The following TMEM45A variants were observed in gnomAD, a reference collection of about 807,000 sequenced individuals.
TMEM45A encodes the protein DNA polymerase-transactivated protein 4.
TMEM45A carries 25 observed loss-of-function variants against 32.0 expected under a neutral mutation model. The ratio of observed to expected loss-of-function variants is 0.78; its 90% CI spans 0.57 to 1.09. The LOEUF (loss-of-function observed/expected upper bound fraction) is 1.09. Among genes scored for constraint, TMEM45A ranks in the 50% least tolerant of loss-of-function variants. The pLI is 0.00. For synonymous variants in TMEM45A, 122 were observed against 114.8 expected, an observed-to-expected ratio of 1.06 and a Z score of -0.40; for missense variants, 302 against 325.0, an observed-to-expected ratio of 0.93 and a Z score of 0.54.
intron 5 of TMEM45A, among the ~76,000 whole-genome samples, chr3:100,575,888 T>A (rs1297014255): frequency 6.6e-6 from 1 of 152,246 alleles, no homozygotes; most frequent in Non-Finnish European, 1.5e-5. Flanking sequence ...GCGGGCTTCA[T>A]GCACTTCCTT....
chr3:100,561,959 G>A (rs1706344863), intron 4 of TMEM45A, among the ~76,000 whole-genome samples: 1 of 152,198 alleles, frequency 6.6e-6, no homozygotes, highest in African/African-American at 2.4e-5. Flanking sequence ...CAACTAAGCA[G>A]TAATGGTTTG....
At chr3:100,531,778 T>C (rs1705653030) in intron 1 of TMEM45A, among the ~76,000 whole-genome samples, 1 of 152,248 alleles carries the variant, frequency 6.6e-6, no homozygotes, top group African/African-American at 2.4e-5. Context: ...ACCAAAAAGA[T>C]GATACTTTGT....
intron 1 of TMEM45A, among the ~76,000 whole-genome samples, chr3:100,504,796 A>C (rs1189352639): frequency 6.6e-6 from 1 of 152,254 alleles, no homozygotes; most frequent in East Asian, 1.9e-4. Flanking sequence ...TCTTTCCAGC[A>C]GCGAGAGCCA....
At chr3:100,556,275 C>G (rs1706220826) in intron 2 of TMEM45A, among the ~76,000 whole-genome samples, 1 of 152,214 alleles carries the variant, frequency 6.6e-6, no homozygotes, top group African/African-American at 2.4e-5. Context: ...GCCACTGTGC[C>G]CAGTCCTGTC....
At chr3:100,558,740 T>A (rs1706272751) in intron 4 of TMEM45A, 151 bp downstream of exon 4, 2 of 830,348 alleles carry the variant, frequency 2.4e-6, no homozygotes, top group Non-Finnish European at 3.8e-6. Flanking sequence ...TCTTTGAGTG[T>A]CCCAATAGCC....
chr3:100,529,989 C>T (rs1231429129), intron 1 of TMEM45A, among the ~76,000 whole-genome samples: 1 of 152,100 alleles, frequency 6.6e-6, no homozygotes, highest in African/African-American at 2.4e-5. Flanking sequence ...ACAGAAAGAC[C>T]GTGTCTCTGC....
rs116785540 is a variant in TMEM45A, at chr3:100,509,096, C to T, written c.-4+16168C>T. ...AGGGACTAATATCCAGAATATACAA[C>T]GAACTCCATCAACTTAACAGAAAAA... On this transcript the variant is annotated intron_variant, in intron 1 of 5. Coordinates refer to ENST00000323523, the MANE Select transcript of TMEM45A (RefSeq NM_018004.3). 9.2e-3 allele frequency among the ~76,000 whole-genome samples: 1,402 copies of T among 152,158 alleles called. 29 individuals are homozygous for T. The highest frequency in any genetic ancestry group is 0.032 in the African/African-American group (1,347 of 41,516).
intron 1 of TMEM45A, among the ~76,000 whole-genome samples, chr3:100,500,347 C>T (rs1707991959): frequency 6.6e-6 from 1 of 151,956 alleles, no homozygotes; most frequent in Non-Finnish European, 1.5e-5. Flanking sequence ...GGAGAACAGA[C>T]ACTAGCACTC....
chr3:100,559,387 G>C (rs1163481416), intron 4 of TMEM45A, among the ~76,000 whole-genome samples: 1 of 152,170 alleles, frequency 6.6e-6, no homozygotes, highest in Non-Finnish European at 1.5e-5. Context: ...CACATGAGGA[G>C]TGATAAAAAG....
At chr3:100,505,249 G>C (rs1280112721) in intron 1 of TMEM45A, among the ~76,000 whole-genome samples, 1 of 152,148 alleles carries the variant, frequency 6.6e-6, no homozygotes, top group Admixed American at 6.5e-5. Flanking sequence ...GCTCTACCAT[G>C]GCAATGAATG....
rs760842538 is a variant in TMEM45A, at chr3:100,555,278, A to T, written c.67A>T (p.Thr23Ser). Reference sequence around the variant, plus strand: ...TTTTATTATTGGTCTTTGGTGGTGTACAAAGAGTATTCTGAAGTATATCTG... The same window carrying T: ...TTTTATTATTGGTCTTTGGTGGTGTTCAAAGAGTATTCTGAAGTATATCTG... Reference protein sequence around the residue: ...FFFIIGLWWCTKSILKYICKK... With the variant: ...FFFIIGLWWCSKSILKYICKK... The change falls in exon 2 of 6, where the codon ACA becomes TCA. Residue 23 changes from threonine to serine, a missense_variant. Coordinates refer to ENST00000323523, the MANE Select transcript of TMEM45A (RefSeq NM_018004.3). The T allele has an allele frequency of 6.2e-7, 1 of 1,613,836 alleles. No homozygotes were observed. The highest frequency in any genetic ancestry group is 8.5e-7 in the Non-Finnish European group (1 of 1,179,906).
chr3:100,506,711 C>CA (rs1708085249), intron 1 of TMEM45A, among the ~76,000 whole-genome samples: 1 of 152,186 alleles, frequency 6.6e-6, no homozygotes, highest in Non-Finnish European at 1.5e-5. Flanking sequence ...AAGATATTGG[C>CA]TAATTACATT....
chr3:100,549,903 A>AT (rs1177702278), intron 1 of TMEM45A, among the ~76,000 whole-genome samples: 2 of 151,644 alleles, frequency 1.3e-5, no homozygotes, highest in East Asian at 1.9e-4. Flanking sequence ...TGAACTCATC[A>AT]TTTTTTATGG....
At chr3:100,515,120 TTACTGGG>T (rs1367911314) in intron 1 of TMEM45A, among the ~76,000 whole-genome samples, 2 of 150,310 alleles carry the variant, frequency 1.3e-5, no homozygotes, top group African/African-American at 4.9e-5. Context: ...AGCCATCCCA[TTACTGGG>T]TATATACCCA....
At chr3:100,566,119 G>A (rs1051560184) in intron 4 of TMEM45A, among the ~76,000 whole-genome samples, 5 of 152,032 alleles carry the variant, frequency 3.3e-5, no homozygotes, top group South Asian at 2.1e-4. Context: ...TTTTATGGTC[G>A]ATTGATAGTC....
chr3:100,513,446 CAATA>C (rs1221677670), intron 1 of TMEM45A, among the ~76,000 whole-genome samples: 1 of 149,956 alleles, frequency 6.7e-6, no homozygotes, highest in African/African-American at 2.5e-5. Flanking sequence ...TAAAAACTCT[CAATA>C]AATTAGGTAT....
chr3:100,531,247 T>G (rs1705641389), intron 1 of TMEM45A, among the ~76,000 whole-genome samples: 1 of 152,188 alleles, frequency 6.6e-6, no homozygotes, highest in Non-Finnish European at 1.5e-5. Context: ...TTGGGACTGA[T>G]AAACTCCTGG....
intron 1 of TMEM45A, among the ~76,000 whole-genome samples, chr3:100,529,792 T>C (rs1288764239): frequency 1.3e-5 from 2 of 152,042 alleles, no homozygotes; most frequent in African/African-American, 4.8e-5. Flanking sequence ...AACTTTTGTA[T>C]TTTTTTGTAC....
chr3:100,545,866 C>T (rs1008894612), intron 1 of TMEM45A, among the ~76,000 whole-genome samples: 12 of 152,124 alleles, frequency 7.9e-5, no homozygotes, highest in Non-Finnish European at 5.9e-5. Context: ...TGCCTATGTC[C>T]TAATTCCTGG....
Sources: gnomAD v4.1 joint callset for allele counts (sites outside exome capture counted in the v4.1 genomes callset) on GRCh38, gnomAD v4.1.1 for gene constraint, MANE v1.5 for transcripts, NCBI Gene and HGNC (gene_info 2026-07-23, HGNC 2026-07-21) for gene names.